The following EPS15 variants were observed in gnomAD, a reference collection of about 807,000 sequenced individuals.
EPS15 encodes the protein epidermal growth factor receptor pathway substrate 15.
In EPS15, 72 loss-of-function variants were observed where a neutral mutation model predicts 113.8. The observed-to-expected ratio is 0.63, with a 90% CI of 0.52 to 0.77. The LOEUF is 0.77. EPS15 is among the 30% of genes least tolerant of loss of function. EPS15 has a pLI of 0.00. For synonymous variants in EPS15, 344 were observed against 363.4 expected, an observed-to-expected ratio of 0.95 and a Z score of 0.61; for missense variants, 1,048 against 1,045.8, an observed-to-expected ratio of 1.00 and a Z score of -0.03.
intron 21 of EPS15, chr1:51,372,843 A>G (rs1646692137): frequency 1.7e-6 from 1 of 597,134 alleles, no homozygotes; most frequent in Non-Finnish European, 2.6e-6. Context: ...AAAGAGGTCC[A>G]TGGTTTGAGG....
intron 21 of EPS15, among the ~76,000 whole-genome samples, chr1:51,376,743 T>A (rs1646809707): frequency 6.6e-6 from 1 of 152,176 alleles, no homozygotes; most frequent in South Asian, 2.1e-4. Context: ...GATGAAGATG[T>A]ATAAGGAGAT....
intron 24 of EPS15, among the ~76,000 whole-genome samples, chr1:51,359,862 C>T (rs2148341826): frequency 6.6e-6 from 1 of 151,668 alleles, no homozygotes; most frequent in South Asian, 2.1e-4. Context: ...ACTTAGAGTA[C>T]AGATTCAAAA....
intron 1 of EPS15, among the ~76,000 whole-genome samples, chr1:51,497,347 A>G (rs777881813): frequency 6.6e-6 from 1 of 152,224 alleles, no homozygotes; most frequent in Non-Finnish European, 1.5e-5. Flanking sequence ...AATTGAGGGG[A>G]AAATCCCCTT....
intron 18 of EPS15, among the ~76,000 whole-genome samples, chr1:51,401,908 G>A (rs1345770926): frequency 6.6e-6 from 1 of 152,236 alleles, no homozygotes; most frequent in East Asian, 1.9e-4. Flanking sequence ...GGAGGCCAAC[G>A]TGGGCGGATC....
intron 1 of EPS15, among the ~76,000 whole-genome samples, chr1:51,483,635 G>A (rs113039001): frequency 0.03 from 4,574 of 152,016 alleles, 74 homozygotes; most frequent in African/African-American, 0.05. Context: ...GTGAAAGCCC[G>A]TCTCTACAAA....
intron 1 of EPS15, among the ~76,000 whole-genome samples, chr1:51,496,397 T>C (rs1474765060): frequency 6.6e-6 from 1 of 152,218 alleles, no homozygotes; most frequent in African/African-American, 2.4e-5. Context: ...CAGAGAAGTA[T>C]ACCATATTCC....
intron 1 of EPS15, among the ~76,000 whole-genome samples, chr1:51,495,066 A>C (rs2148542795): frequency 6.6e-6 from 1 of 152,334 alleles, no homozygotes; most frequent in Admixed American, 6.5e-5. Flanking sequence ...CTGGACTTGT[A>C]ATTATAAAGT....
intron 23 of EPS15, among the ~76,000 whole-genome samples, chr1:51,363,469 G>A (rs1335144812): frequency 6.6e-6 from 1 of 152,062 alleles, no homozygotes; most frequent in Non-Finnish European, 1.5e-5. Flanking sequence ...ACAGGAAAAG[G>A]ACTTTGAAAC....
chr1:51,497,042 G>T (rs1644336191), intron 1 of EPS15, among the ~76,000 whole-genome samples: 1 of 152,094 alleles, frequency 6.6e-6, no homozygotes, highest in Admixed American at 6.6e-5. Context: ...TGAATAACAA[G>T]AAATCTTCTG....
At chr1:51,470,743 A>G (rs1287448928) in intron 4 of EPS15, among the ~76,000 whole-genome samples, 2 of 152,104 alleles carry the variant, frequency 1.3e-5, no homozygotes, top group East Asian at 3.8e-4. Context: ...TACTAAGGCA[A>G]CTCAAACTCA....
intron 11 of EPS15, among the ~76,000 whole-genome samples, chr1:51,442,299 A>G (rs896252446): frequency 6.6e-5 from 10 of 152,148 alleles, no homozygotes; most frequent in Admixed American, 3.9e-4. Flanking sequence ...ACTTCACTTA[A>G]ATGCTATCAG....
intron 16 of EPS15, among the ~76,000 whole-genome samples, chr1:51,403,850 C>T (rs1410005605): frequency 6.6e-6 from 1 of 152,188 alleles, no homozygotes; most frequent in Non-Finnish European, 1.5e-5. Context: ...ATAGTACTAT[C>T]ATCTTTGGTT....
intron 1 of EPS15, among the ~76,000 whole-genome samples, chr1:51,493,106 A>G (rs966895756): frequency 1.4e-4 from 21 of 152,214 alleles, no homozygotes; most frequent in African/African-American, 4.6e-4. Context: ...TCACGCCTGT[A>G]ATCCCAGCAC....
chr1:51,402,272 A>T (rs973200440), intron 18 of EPS15, among the ~76,000 whole-genome samples, 163 bp downstream of exon 18: 1 of 147,164 alleles, frequency 6.8e-6, no homozygotes, highest in Non-Finnish European at 1.5e-5. Flanking sequence ...GCTTGAACCC[A>T]GGAGGCGGAG....
intron 21 of EPS15, among the ~76,000 whole-genome samples, chr1:51,374,068 T>C (rs933541564): frequency 1.3e-5 from 2 of 152,204 alleles, no homozygotes; most frequent in African/African-American, 4.8e-5. Context: ...TGAACACATA[T>C]ACGTTTAGCC....
chr1:51,508,079 G>C (rs962456070), intron 1 of EPS15, among the ~76,000 whole-genome samples: 1 of 151,638 alleles, frequency 6.6e-6, no homozygotes, highest in Middle Eastern at 3.2e-3. Context: ...CTACTCAGGA[G>C]GCTGAGGCAG....
intron 14 of EPS15, 60 bp downstream of exon 14, chr1:51,409,475 T>C (rs1557440905): frequency 6.7e-7 from 1 of 1,485,330 alleles, no homozygotes; most frequent in African/African-American, 1.4e-5. Flanking sequence ...TGTTTTCATC[T>C]TAAGCCAGGA....
At chr1:51,446,425 C>T (rs1340877151) in intron 10 of EPS15, among the ~76,000 whole-genome samples, 1 of 149,500 alleles carries the variant, frequency 6.7e-6, no homozygotes, top group Admixed American at 6.7e-5. Flanking sequence ...TTTTAACATT[C>T]TAATAACAAT....
At chr1:51,483,900 T>C (rs529558626) in intron 1 of EPS15, among the ~76,000 whole-genome samples, 1 of 151,788 alleles carries the variant, frequency 6.6e-6, no homozygotes, top group South Asian at 2.1e-4. Context: ...TGCTTCAATC[T>C]AAGAGTTTGA....
Sources: allele counts gnomAD v4.1 joint callset (sites outside exome capture counted in the v4.1 genomes callset), GRCh38; gene constraint gnomAD v4.1.1; transcripts MANE v1.5; gene names NCBI Gene and HGNC (gene_info 2026-07-23, HGNC 2026-07-21).